SYN2: variants seen among roughly 807,000 people sequenced by gnomAD.
SYN2 encodes synapsin-2.
In SYN2, 19 loss-of-function variants were observed where a neutral mutation model predicts 50.9. That is an observed-to-expected ratio of 0.37 (90% CI 0.26 to 0.55). The LOEUF is 0.55. Ranked by LOEUF, SYN2 falls within the 20% of genes least tolerant of loss-of-function variation. The probability of loss-of-function intolerance (pLI) is 0.81; values close to 1 mark genes in which losing one functional copy is unlikely to be tolerated. For missense variants in SYN2, 587 were observed against 576.4 expected (o/e 1.02, Z -0.19); for synonymous variants, 255 against 224.9 (o/e 1.13, Z -1.20).
chr3:12,173,592 A>G (rs1697984933), intron 10 of SYN2, among the ~76,000 whole-genome samples: 2 of 152,066 alleles, frequency 1.3e-5, no homozygotes, highest in African/African-American at 2.4e-5. Context: ...TCCCGCTCCA[A>G]CCATCCCACT....
intron 1 of SYN2, among the ~76,000 whole-genome samples, chr3:12,103,205 T>C (rs564468622): frequency 7.7e-4 from 117 of 152,130 alleles, no homozygotes; most frequent in Non-Finnish European, 1.5e-3. Context: ...AGACCACTAA[T>C]GTAAAACAGT....
intron 1 of SYN2, among the ~76,000 whole-genome samples, chr3:12,041,894 C>T (rs1321897831): frequency 6.6e-6 from 1 of 152,202 alleles, no homozygotes. Context: ...TTCATTTCCA[C>T]TTATATCCCT....
intron 1 of SYN2, among the ~76,000 whole-genome samples, chr3:12,077,400 C>T (rs71304084): frequency 0.091 from 13,864 of 151,934 alleles, 751 homozygotes; most frequent in Middle Eastern, 0.14. Flanking sequence ...GGTAGTTTGC[C>T]GCACCTATCA....
intron 1 of SYN2, among the ~76,000 whole-genome samples, chr3:12,047,012 T>C (rs1417242318): frequency 6.6e-6 from 1 of 152,190 alleles, no homozygotes; most frequent in Non-Finnish European, 1.5e-5. Flanking sequence ...CAGGAAAACA[T>C]ATTGTACTCC....
intron 1 of SYN2, among the ~76,000 whole-genome samples, chr3:12,103,432 G>A (rs899381442): frequency 3.9e-5 from 6 of 152,222 alleles, no homozygotes; most frequent in African/African-American, 1.2e-4. Context: ...TTAAAATTCT[G>A]GATTTTAGCA....
At chr3:12,124,930 A>G (rs1388416031) in intron 1 of SYN2, among the ~76,000 whole-genome samples, 2 of 152,250 alleles carry the variant, frequency 1.3e-5, no homozygotes, top group Non-Finnish European at 2.9e-5. Context: ...TCAATTAGCA[A>G]ATAAACAAGT....
chr3:12,099,975 G>GAAAAAAAAAAAAAAAAAAAAAAA (rs376887129), intron 1 of SYN2, among the ~76,000 whole-genome samples: 2 of 120,184 alleles, frequency 1.7e-5, no homozygotes, highest in African/African-American at 3.2e-5. Flanking sequence ...AAAAAAAAAA[G>GAAAAAAAAAAAAAAAAAAAAAAA]AAAAAAAAAA....
intron 4 of SYN2, chr3:12,148,722 G>A (rs996237153): frequency 3.3e-5 from 5 of 152,176 alleles, no homozygotes; most frequent in African/African-American, 1.2e-4. Flanking sequence ...GGAGATAAGT[G>A]CACCAGAGTT....
At chr3:12,107,294 T>G (rs1696213779) in intron 1 of SYN2, among the ~76,000 whole-genome samples, 1 of 152,316 alleles carries the variant, frequency 6.6e-6, no homozygotes, top group Admixed American at 6.5e-5. Context: ...TCTTTGGAAT[T>G]GAAAGTCTGT....
At chr3:12,145,925 C>T (rs1697140446) in intron 4 of SYN2, 90 bp downstream of exon 4, 2 of 1,549,856 alleles carry the variant, frequency 1.3e-6, no homozygotes, top group Admixed American at 3.5e-5. Flanking sequence ...ATGCAGTAGG[C>T]CCCAGCCCCA....
rs1694684365 is a variant in SYN2 at position 12,044,196 on chromosome 3, C to CAT, written c.377+39269_377+39270insTA. ...TCTCTCTCTCTCACACACACACACA[C>CAT]ACACACACACACACACACACACACA... is the stretch of plus-strand genomic sequence containing the variant. On this transcript the variant is annotated intron_variant, in intron 1 of 12. Coordinates refer to ENST00000621198, the MANE Select transcript of SYN2 (RefSeq NM_133625.6). Among the ~76,000 whole-genome samples the CAT allele has an allele frequency of 4.0e-5, 6 of 149,614 alleles. No homozygotes were observed. The East Asian group carries it at 1.2e-3, about 29-fold the overall frequency.
At chr3:12,188,451 A>C (rs1415812732) in intron 12 of SYN2, among the ~76,000 whole-genome samples, 1 of 152,208 alleles carries the variant, frequency 6.6e-6, no homozygotes, top group Non-Finnish European at 1.5e-5. Flanking sequence ...GGGGATGGTA[A>C]GGGGATGGTA....
intron 1 of SYN2, among the ~76,000 whole-genome samples, chr3:12,040,755 A>G (rs1372336748): frequency 1.3e-5 from 2 of 152,208 alleles, no homozygotes; most frequent in African/African-American, 2.4e-5. Flanking sequence ...AAAAGAGGAT[A>G]AAAGAAAGAT....
intron 1 of SYN2, among the ~76,000 whole-genome samples, chr3:12,114,182 C>T (rs1696382770): frequency 1.3e-5 from 2 of 151,568 alleles, no homozygotes; most frequent in Non-Finnish European, 2.9e-5. Flanking sequence ...TTTTGATTTG[C>T]ATTCCCTTAA....
At chr3:12,033,256 G>T (rs1006527752) in intron 1 of SYN2, among the ~76,000 whole-genome samples, 1 of 152,160 alleles carries the variant, frequency 6.6e-6, no homozygotes, top group Non-Finnish European at 1.5e-5. Context: ...CTCCAGCTGC[G>T]TGCTGGGAGA....
intron 1 of SYN2, among the ~76,000 whole-genome samples, chr3:12,088,923 G>GT (rs1403683847): frequency 6.6e-6 from 1 of 152,166 alleles, no homozygotes; most frequent in Non-Finnish European, 1.5e-5. Context: ...CAGAGTTTCA[G>GT]TTAGACAAGA....
At chr3:12,082,768 C>T (rs956537035) in intron 1 of SYN2, among the ~76,000 whole-genome samples, 1 of 152,024 alleles carries the variant, frequency 6.6e-6, no homozygotes, top group Non-Finnish European at 1.5e-5. Context: ...TTTTATTATA[C>T]AGGAGAATGG....
At position 12,130,647 on chromosome 3, in the gene SYN2, T is replaced by A. The variant is rs577113406; in HGVS notation, c.378-10004T>A. 2.2e-3 allele frequency among the ~76,000 whole-genome samples: 340 copies of A among 152,338 alleles called. 1 individual carries two copies. The highest frequency in any genetic ancestry group is 7.7e-3 in the African/African-American group (321 of 41,580). On this transcript the variant is annotated intron_variant, in intron 1 of 12. Coordinates refer to ENST00000621198, the MANE Select transcript of SYN2 (RefSeq NM_133625.6). ...ATGTTTAAACAAATATCTGGGCACC[T>A]GTGGCCTAATCAAGTTAACACATAA... is the stretch of plus-strand genomic sequence containing the variant.
intron 1 of SYN2, among the ~76,000 whole-genome samples, chr3:12,040,494 G>T (rs895260301): frequency 6.9e-6 from 1 of 145,892 alleles, no homozygotes; most frequent in African/African-American, 2.6e-5. Flanking sequence ...GTGCGGTGGC[G>T]TGATCTCGGC....
Sources: gnomAD v4.1 joint callset for allele counts (sites outside exome capture counted in the v4.1 genomes callset) on GRCh38, gnomAD v4.1.1 for gene constraint, MANE v1.5 for transcripts, NCBI Gene and HGNC (gene_info 2026-07-23, HGNC 2026-07-21) for gene names.